The following ITGAM variants were observed in gnomAD, a reference collection of about 807,000 sequenced individuals.
ITGAM encodes integrin subunit alpha M, also known as integrin alpha-M.
A neutral mutation model predicts 137.5 loss-of-function variants in ITGAM; 79 were observed. The ratio of observed to expected loss-of-function variants is 0.57; its 90% CI spans 0.48 to 0.69. The LOEUF is 0.69. Among genes scored for constraint, ITGAM ranks in the 30% least tolerant of loss-of-function variants. The pLI, the probability that ITGAM is intolerant of heterozygous loss-of-function variation, is 0.00. For missense variants in ITGAM, 1,343 were observed against 1,483.5 expected, an observed-to-expected ratio of 0.91 and a Z score of 1.56; for synonymous variants, 583 against 592.3, an observed-to-expected ratio of 0.98 and a Z score of 0.23.
In ITGAM at chr16:31,328,237, G is replaced by A. The variant is rs769047018; in HGVS notation, c.2792+7G>A. 2 of 1,611,708 alleles carry A rather than the reference G, an allele frequency of 1.2e-6. No homozygotes were observed. The highest frequency in any genetic ancestry group is 1.7e-6 in the Non-Finnish European group (2 of 1,177,852). Reference sequence around the variant, plus strand: ...TCTACATGGTGGTCACCAGGTGCTGGCTTCCAGGACTTTAGCTGAGCCTCC... The same window carrying A: ...TCTACATGGTGGTCACCAGGTGCTGACTTCCAGGACTTTAGCTGAGCCTCC... On this transcript the variant is annotated splice_region_variant and intron_variant, in intron 23 of 29. Coordinates refer to ENST00000544665, the MANE Select transcript of ITGAM (RefSeq NM_000632.4).
chr16:31,273,724 T>A (rs1397900239), intron 8 of ITGAM: 1 of 477,416 alleles, frequency 2.1e-6, no homozygotes, highest in Non-Finnish European at 3.7e-6. Flanking sequence ...TAAGTAAGCC[T>A]GTGGGTCAGC....
intron 9 of ITGAM, among the ~76,000 whole-genome samples, chr16:31,276,153 C>T (rs1481523499): frequency 6.6e-6 from 1 of 152,136 alleles, no homozygotes; most frequent in African/African-American, 2.4e-5. Flanking sequence ...AGATTAGACA[C>T]CTTGAAGACC....
intron 14 of ITGAM, among the ~76,000 whole-genome samples, chr16:31,312,787 A>T (rs1218545214): frequency 6.6e-6 from 1 of 151,774 alleles, no homozygotes; most frequent in Non-Finnish European, 1.5e-5. Flanking sequence ...TGATCTGCTC[A>T]GTAATGCTTT....
intron 3 of ITGAM, 118 bp from the exon 4 acceptor site, chr16:31,265,693 G>T (rs2079757989): frequency 3.4e-6 from 3 of 881,874 alleles, no homozygotes; most frequent in Non-Finnish European, 3.5e-6. Flanking sequence ...CAAGATTTAG[G>T]ATCCCCCTTC....
At chr16:31,270,699 G>GTGTGTATATATATATATATA (rs1477833816) in intron 5 of ITGAM, among the ~76,000 whole-genome samples, 1 of 25,998 alleles carries the variant, frequency 3.8e-5, no homozygotes, top group Admixed American at 7.1e-4. Flanking sequence ...GTGTGTGTGT[G>GTGTGTATATATATATATATA]TATATATATA....
intron 11 of ITGAM, 56 bp downstream of exon 11, chr16:31,277,105 A>G: frequency 6.7e-7 from 1 of 1,495,478 alleles, no homozygotes; most frequent in Non-Finnish European, 9.1e-7. Context: ...GGCATAAGTC[A>G]ACTAGCATAG....
Position 31,331,208 on chromosome 16 carries a change from C to T in ITGAM, c.3320C>T (p.Pro1107Leu). The stretch of plus-strand genomic sequence containing the variant: ...CCGTTCGAGGTCCCCAACCCCCTGC[C>T]GCTCATCGTGGGCAGCTCTGTCGGG... ...VEPFEVPNPL[P>L]LIVGSSVGGL... Residue 1107 changes from proline (P) to leucine (L), a missense_variant, in exon 29 of 30, where the codon CCG becomes CTG. Coordinates refer to ENST00000544665, the MANE Select transcript of ITGAM (RefSeq NM_000632.4). 6.2e-7 allele frequency: 1 copy of T among 1,613,478 alleles called. No homozygotes were observed. The highest frequency in any genetic ancestry group is 8.5e-7 in the Non-Finnish European group (1 of 1,179,646).
At chr16:31,262,404 A>C (rs552568102) in intron 2 of ITGAM, among the ~76,000 whole-genome samples, 16 of 81,334 alleles carry the variant, frequency 2.0e-4, no homozygotes, top group East Asian at 3.4e-4. Flanking sequence ...TCCTTCCTTC[A>C]TTTCTTTCTT....
chr16:31,307,910 C>A (rs1424506419), intron 14 of ITGAM, among the ~76,000 whole-genome samples: 1 of 152,036 alleles, frequency 6.6e-6, no homozygotes, highest in Non-Finnish European at 1.5e-5. Flanking sequence ...GATAATCATG[C>A]GGTTTTCGTC....
At chr16:31,273,625 A>AGCATT in intron 8 of ITGAM, 107 bp downstream of exon 8, 1 of 1,103,142 alleles carries the variant, frequency 9.1e-7, no homozygotes, top group Non-Finnish European at 1.3e-6. Context: ...CATGAGAGCT[A>AGCATT]ATGCTAGCTC....
rs2080481207 is a variant in ITGAM at position 31,324,280 on chromosome 16, A to T, written c.2003-119A>T. Reference sequence around the variant, plus strand: ...GGAAGGAAGGAAAGAAGACTCAGAGAAGTCAGATAACATACCCCAAGTCAC... The same window carrying T: ...GGAAGGAAGGAAAGAAGACTCAGAGTAGTCAGATAACATACCCCAAGTCAC... On this transcript the variant is annotated intron_variant, in intron 16 of 29. Transcript: ENST00000544665. The surrounding 1 kb of genome is among the most constrained non-coding windows in gnomAD (Gnocchi z 4.5). The T allele has an allele frequency of 1.4e-6, 1 of 691,570 alleles. No individual in the cohort carries two copies. Among genetic ancestry groups the T allele is most frequent in the Non-Finnish European group, 2.4e-6 (1 of 415,248 alleles). The allele number at this position is 691,570 out of a possible 1,614,324, so 42.8% of individuals were successfully genotyped here. A position where few individuals can be genotyped will look rare whatever the true frequency, so the allele number is the denominator to read the frequency against.
At position 31,265,863 on chromosome 16, in the gene ITGAM, C is replaced by A; in HGVS notation, c.291C>A (p.Thr97=). The part of the protein sequence containing the change: ...MSLGLSLAAT[T]SPPQLLACGP... ...TGGGCCTGTCCCTGGCAGCCACCAC[C>A]AGCCCCCCTCAGCTGCTGGTGAGTG... The change falls in exon 4 of 30, where the codon ACC becomes ACA. Residue 97 remains threonine (T), a synonymous_variant. Coordinates refer to ENST00000544665, the MANE Select transcript of ITGAM (RefSeq NM_000632.4). The A allele has an allele frequency of 6.2e-7, 1 of 1,613,884 alleles. No individual in the cohort carries two copies. Among genetic ancestry groups the A allele is most frequent in the South Asian group, 1.1e-5 (1 of 91,078 alleles).
intron 5 of ITGAM, 55 bp downstream of exon 5, chr16:31,266,202 G>A: frequency 2.4e-6 from 3 of 1,262,216 alleles, no homozygotes; most frequent in Non-Finnish European, 2.3e-6. Context: ...AGGGGAGGGG[G>A]CAGGACTGAG....
intron 14 of ITGAM, among the ~76,000 whole-genome samples, chr16:31,300,814 A>C (rs1316219587): frequency 2.6e-5 from 4 of 152,314 alleles, no homozygotes; most frequent in African/African-American, 9.6e-5. Context: ...CCAGAGGCTG[A>C]GATGGGAGAA....
At chr16:31,302,610 C>T (rs1769959965) in intron 14 of ITGAM, among the ~76,000 whole-genome samples, 1 of 151,604 alleles carries the variant, frequency 6.6e-6, no homozygotes, top group Non-Finnish European at 1.5e-5. Context: ...GCTCGGCTCA[C>T]TGCAACCTCC....
chr16:31,271,716 C>G, intron 6 of ITGAM, 131 bp from the exon 7 acceptor site: 1 of 1,076,946 alleles, frequency 9.3e-7, no homozygotes. Flanking sequence ...CCTGGTGAGG[C>G]AGGGGATTAG....
chr16:31,327,871 T>C (rs953227999), intron 22 of ITGAM, among the ~76,000 whole-genome samples: 3 of 152,132 alleles, frequency 2.0e-5, no homozygotes, highest in African/African-American at 7.2e-5. Flanking sequence ...TAATCATATT[T>C]GCATGTTAGA....
intron 22 of ITGAM, chr16:31,327,940 C>T (rs1489354017): frequency 3.5e-6 from 2 of 567,350 alleles, no homozygotes; most frequent in African/African-American, 1.9e-5. Flanking sequence ...ATTCAGGGGA[C>T]CAGTTAGAAG....
At chr16:31,279,090 G>T (rs984016561) in intron 12 of ITGAM, among the ~76,000 whole-genome samples, 1 of 152,178 alleles carries the variant, frequency 6.6e-6, no homozygotes, top group East Asian at 1.9e-4. Flanking sequence ...TGGCTGCATA[G>T]TATTCCATGG....
Sources: allele counts gnomAD v4.1 joint callset (sites outside exome capture counted in the v4.1 genomes callset), GRCh38; gene constraint gnomAD v4.1.1; non-coding constraint Gnocchi (gnomAD v3.1); transcripts MANE v1.5; gene names NCBI Gene and HGNC (gene_info 2026-07-23, HGNC 2026-07-21).